RESF1: variants seen among roughly 807,000 people sequenced by gnomAD.
The protein encoded by RESF1 is retroelement silencing factor 1.
A neutral mutation model predicts 134.7 loss-of-function variants in RESF1; 65 were observed. That is an observed-to-expected ratio of 0.48 (90% confidence interval 0.40 to 0.59). The LOEUF (loss-of-function observed/expected upper bound fraction) is 0.59. Among genes scored for constraint, RESF1 ranks in the 20% least tolerant of loss-of-function variants. The pLI is 0.00. For synonymous variants in RESF1, 762 were observed against 702.2 expected, an observed-to-expected ratio of 1.09 and a Z score of -1.35; for missense variants, 2,274 against 2,002.7, an observed-to-expected ratio of 1.14 and a Z score of -2.59.
rs2166807 is a variant in RESF1 at position 31,981,704 on chromosome 12, T to C, written c.749T>C (p.Leu250Pro). ...TTGCAAGTTAAAAATAGTCAGCTTC[T>C]AAATTCTGTATTAACTTTACCATCA... is the stretch of plus-strand genomic sequence containing the variant. The part of the protein sequence containing the change: ...TSLQVKNSQL[L>P]NSVLTLPSRQ... Residue 250 changes from leucine (L) to proline (P), a missense_variant, in exon 4 of 6, where the codon CTA becomes CCA. Physicochemically the swap from Leu to Pro is moderately conservative, Grantham distance 98. Transcript: ENST00000312561. 0.79 allele frequency: 1,280,279 copies of C among 1,613,510 alleles called. 508,659 individuals carry two copies. The highest frequency in any genetic ancestry group is 0.88 in the African/African-American group (65,918 of 75,006).
chr12:31,982,890 G>A lies in RESF1; in HGVS notation c.1935G>A (p.Leu645=), dbSNP rs760168423. The change falls in exon 4 of 6, where the codon TTG becomes TTA. Residue 645 remains leucine, a synonymous_variant. Transcript: ENST00000312561. The part of the protein sequence containing the change: ...PSTSNVSGRV[L]DNSFCSGQES... ...CTTCTAATGTAAGTGGCAGGGTTTT[G>A]GACAACTCCTTTTGCAGTGGACAAG... The A allele has an allele frequency of 1.9e-6, 3 of 1,614,070 alleles. No individual in the cohort carries two copies. The South Asian group carries it at 3.3e-5, about 18-fold the overall frequency.
Position 31,983,387 on chromosome 12 carries a change from C to A in RESF1, c.2432C>A (p.Thr811Asn). 6.2e-7 allele frequency: 1 copy of A among 1,614,008 alleles called. No homozygotes were observed. The highest frequency in any genetic ancestry group is 8.5e-7 in the Non-Finnish European group (1 of 1,180,004). ...QNQLAENAKA[T>N]AALKVDVSGP... is the part of the protein sequence containing the mutation. ...CAATTGGCAGAAAATGCAAAGGCAA[C>A]TGCTGCTTTGAAAGTTGATGTTAGT... Residue 811 changes from threonine to asparagine, a missense_variant, in exon 4 of 6, where the codon ACT (threonine) becomes AAT (asparagine). Thr to Asn is a moderately conservative substitution (Grantham distance 65). Transcript: ENST00000312561.
chr12:31,984,830 A>T lies in RESF1; in HGVS notation c.3875A>T (p.His1292Leu). The stretch of plus-strand genomic sequence containing the variant: ...GATAAACTAAATCCCTTGCAAAATC[A>T]CAAAAGAAAAAAATTGAGGTTTCAC... ...KCDKLNPLQN[H>L]KRKKLRFHEV... Residue 1292 changes from histidine to leucine, a missense_variant, in exon 4 of 6, where the codon CAC becomes CTC. Transcript: ENST00000312561. 6.2e-7 allele frequency: 1 copy of T among 1,603,372 alleles called. No homozygotes were observed. Among genetic ancestry groups the T allele is most frequent in the South Asian group, 1.1e-5 (1 of 88,252 alleles).
In RESF1 at chr12:31,984,200, A is replaced by G. The variant is rs965281909; in HGVS notation, c.3245A>G (p.Tyr1082Cys). ...GGTTCTGTGGGCCAGCAAACTACAT[A>G]CCAGACCTCAGAAGATCAAACTGCT... ...REGSVGQQTT[Y>C]QTSEDQTADK... The change falls in exon 4 of 6, where the codon TAC becomes TGC. Residue 1082 changes from tyrosine to cysteine, a missense_variant. Transcript: ENST00000312561. 6.2e-7 allele frequency: 1 copy of G among 1,613,810 alleles called. No individual in the cohort carries two copies. The highest frequency in any genetic ancestry group is 8.5e-7 in the Non-Finnish European group (1 of 1,179,962).
At chr12:31,990,673 CAG>C (rs1940076583) in intron 5 of RESF1, among the ~76,000 whole-genome samples, 1 of 152,114 alleles carries the variant, frequency 6.6e-6, no homozygotes, top group African/African-American at 2.4e-5. Flanking sequence ...ACTCCAACCT[CAG>C]TGATCCACCC....
chr12:31,962,305 C>T (rs537827530), intron 2 of RESF1, among the ~76,000 whole-genome samples: 1 of 151,686 alleles, frequency 6.6e-6, no homozygotes, highest in East Asian at 1.9e-4. Context: ...GAGGCACACT[C>T]TATTATGTAA....
chr12:31,980,691 A>G (rs1266132186), intron 3 of RESF1, among the ~76,000 whole-genome samples, 187 bp from the exon 4 acceptor site: 2 of 152,178 alleles, frequency 1.3e-5, no homozygotes, highest in African/African-American at 4.8e-5. Flanking sequence ...TCTGTTAAAC[A>G]CGTTAGAAAT....
Position 31,983,508 on chromosome 12 carries a change from A to G in RESF1, c.2553A>G (p.Thr851=), listed in dbSNP as rs1939864062. ...CAACTAATGGTAATTCAGAAGTCACACCTAATGTCAATCAAGGAAAGCATA... is the reference window on the plus strand; with the variant it reads ...CAACTAATGGTAATTCAGAAGTCACGCCTAATGTCAATCAAGGAAAGCATA... ...NESTNGNSEV[T]PNVNQGKHNK... The change falls in exon 4 of 6, where the codon ACA becomes ACG. Residue 851 remains threonine, a synonymous_variant. Coordinates refer to ENST00000312561, the MANE Select transcript of RESF1 (RefSeq NM_018169.4). The G allele has an allele frequency of 3.1e-6, 5 of 1,614,130 alleles. No individual in the cohort carries two copies. The East Asian group carries it at 1.1e-4, about 36-fold the overall frequency.
intron 2 of RESF1, among the ~76,000 whole-genome samples, chr12:31,961,241 G>A (rs10844071): frequency 0.65 from 98,952 of 151,998 alleles, 33,448 homozygotes; most frequent in African/African-American, 0.84. Flanking sequence ...ACCACTCTGG[G>A]AGGATGCTTC....
chr12:31,985,637 T>G lies in RESF1; in HGVS notation c.4682T>G (p.Ile1561Arg). The change falls in exon 4 of 6, where the codon ATA (isoleucine) becomes AGA (arginine). Residue 1561 changes from isoleucine (I) to arginine (R), a missense_variant. Physicochemically the swap from Ile to Arg is moderately conservative, Grantham distance 97. Transcript: ENST00000312561. ...DKTKLDKLTNISNEAQFSQMP... is the reference protein window; with the variant it reads ...DKTKLDKLTNRSNEAQFSQMP... ...ACTAAATTAGACAAATTAACCAATA[T>G]AAGCAACGAAGCTCAATTCAGCCAA... is the stretch of plus-strand genomic sequence containing the variant. 1.2e-6 allele frequency: 2 copies of G among 1,611,792 alleles called. No individual in the cohort carries two copies. The highest frequency in any genetic ancestry group is 1.7e-6 in the Non-Finnish European group (2 of 1,179,424).
In RESF1 at chr12:31,982,248, T is replaced by C. The variant is rs1939816701; in HGVS notation, c.1293T>C (p.Asn431=). 6.2e-7 allele frequency: 1 copy of C among 1,613,918 alleles called. No individual in the cohort carries two copies. The highest frequency in any genetic ancestry group is 8.5e-7 in the Non-Finnish European group (1 of 1,179,976). The change falls in exon 4 of 6, where the codon AAT becomes AAC. Residue 431 remains asparagine, a synonymous_variant. Transcript: ENST00000312561. The part of the protein sequence containing the change: ...LMAAGCIKMT[N]TSYSEPAQNS... ...CAGCAGGTTGTATTAAAATGACTAATACTTCTTATAGTGAACCAGCTCAGA... is the reference window on the plus strand; with the variant it reads ...CAGCAGGTTGTATTAAAATGACTAACACTTCTTATAGTGAACCAGCTCAGA...
chr12:31,971,069 T>C (rs138788046), intron 3 of RESF1, among the ~76,000 whole-genome samples: 1 of 152,350 alleles, frequency 6.6e-6, no homozygotes, highest in African/African-American at 2.4e-5. Context: ...GTTGATCCTT[T>C]TATCATTATA....
At chr12:31,969,654 T>C (rs549961300) in intron 2 of RESF1, among the ~76,000 whole-genome samples, 1 of 152,344 alleles carries the variant, frequency 6.6e-6, no homozygotes, top group African/African-American at 2.4e-5. Context: ...TTCTTTTGTT[T>C]TTGAGACGGA....
chr12:31,985,111 G>A lies in RESF1; in HGVS notation c.4156G>A (p.Glu1386Lys), dbSNP rs781464256. 1.9e-6 allele frequency: 3 copies of A among 1,550,594 alleles called. No homozygotes were observed. The African/African-American group carries it at 4.2e-5, about 22-fold the overall frequency. The change falls in exon 4 of 6, where the codon GAA becomes AAA. Residue 1386 changes from glutamate to lysine, a missense_variant. Transcript: ENST00000312561. ...KLDQGNVLDM[E>K]VKKKKHDKQE... ...AGACCAAGGGAACGTATTAGATATG[G>A]AAGTAAAGAAAAAGAAACATGATAA...
chr12:31,987,473 G>A, intron 5 of RESF1, 151 bp downstream of exon 5: 3 of 560,982 alleles, frequency 5.3e-6, no homozygotes, highest in Non-Finnish European at 3.2e-6. Flanking sequence ...AGTGGTAGGA[G>A]GACATTTTTG....
Position 31,992,657 on chromosome 12 carries a change from C to T in RESF1, c.*122C>T. On this transcript the variant is annotated 3_prime_UTR_variant, in exon 6 of 6. Coordinates refer to ENST00000312561, the MANE Select transcript of RESF1 (RefSeq NM_018169.4). ...TTTCTCAGAGTTTGGTTCCCACTTT[C>T]ATTGTATTTCATTGAAAGTGCTTAA... The T allele has an allele frequency of 1.0e-6, 1 of 994,656 alleles. No homozygotes were observed. The highest frequency in any genetic ancestry group is 1.5e-6 in the Non-Finnish European group (1 of 649,166). The allele number at this position is 994,656 out of a possible 1,614,324, so 61.6% of individuals were successfully genotyped here. A position where few individuals can be genotyped will look rare whatever the true frequency, so the allele number is the denominator to read the frequency against.
In RESF1 at chr12:31,982,925, C is replaced by G. The variant is rs1939842368; in HGVS notation, c.1970C>G (p.Thr657Arg). 3.7e-6 allele frequency: 6 copies of G among 1,614,044 alleles called. No homozygotes were observed. Among genetic ancestry groups the G allele is most frequent in the Non-Finnish European group, 5.1e-6 (6 of 1,179,980 alleles). ...NSFCSGQESSTKGMPAKSDSS... is the reference protein window; with the variant it reads ...NSFCSGQESSRKGMPAKSDSS... ...TTTTGCAGTGGACAAGAATCCTCAACAAAAGGAATGCCTGCTAAAAGTGAC... is the reference window on the plus strand; with the variant it reads ...TTTTGCAGTGGACAAGAATCCTCAAGAAAAGGAATGCCTGCTAAAAGTGAC... The change falls in exon 4 of 6, where the codon ACA (threonine) becomes AGA (arginine). Residue 657 changes from threonine (T) to arginine (R), a missense_variant. Coordinates refer to ENST00000312561, the MANE Select transcript of RESF1 (RefSeq NM_018169.4).
In RESF1 at chr12:31,982,443, G is replaced by T; in HGVS notation, c.1488G>T (p.Arg496Ser). The change falls in exon 4 of 6, where the codon AGG becomes AGT. Residue 496 changes from arginine (R) to serine (S), a missense_variant. Arg to Ser is a moderately radical substitution (Grantham distance 110, BLOSUM62 -1). Coordinates refer to ENST00000312561, the MANE Select transcript of RESF1 (RefSeq NM_018169.4). ...NSDIQEVNCR[R>S]FNQVDSVLPN... ...ACATTCAGGAAGTCAATTGCAGAAGGTTTAACCAAGTTGATTCTGTTTTAC... is the reference window on the plus strand; with the variant it reads ...ACATTCAGGAAGTCAATTGCAGAAGTTTTAACCAAGTTGATTCTGTTTTAC... 1.2e-6 allele frequency: 2 copies of T among 1,613,902 alleles called. No individual in the cohort carries two copies. Among genetic ancestry groups the T allele is most frequent in the South Asian group, 1.1e-5 (1 of 91,080 alleles).
chr12:31,972,774 C>CCA (rs1412690419), intron 3 of RESF1, among the ~76,000 whole-genome samples: 3 of 151,966 alleles, frequency 2.0e-5, no homozygotes, highest in Admixed American at 1.3e-4. Context: ...GGTGAGACAC[C>CCA]CACACATCTG....
Sources: allele counts gnomAD v4.1 joint callset (sites outside exome capture counted in the v4.1 genomes callset), GRCh38; gene constraint gnomAD v4.1.1; transcripts MANE v1.5; gene names NCBI Gene and HGNC (gene_info 2026-07-23, HGNC 2026-07-21).